SLC33A1: variants seen among roughly 807,000 people sequenced by gnomAD.
The protein encoded by SLC33A1 is solute carrier family 33 member 1.
A neutral mutation model predicts 50.0 loss-of-function variants in SLC33A1; 20 were observed. The observed-to-expected ratio is 0.40, with a 90% CI of 0.28 to 0.58. The LOEUF (loss-of-function observed/expected upper bound fraction) is 0.58. Among genes scored for constraint, SLC33A1 ranks in the 20% least tolerant of loss-of-function variants. The pLI, the probability that SLC33A1 is intolerant of heterozygous loss-of-function variation, is 0.44. For missense variants in SLC33A1, 476 were observed against 657.0 expected, an observed-to-expected ratio of 0.72 and a Z score of 3.01; for synonymous variants, 265 against 251.8, an observed-to-expected ratio of 1.05 and a Z score of -0.50.
chr3:155,850,482 G>A (rs904699397), intron 1 of SLC33A1, among the ~76,000 whole-genome samples: 24 of 136,320 alleles, frequency 1.8e-4, no homozygotes, highest in African/African-American at 9.0e-4. Context: ...TTCTCTTAAT[G>A]TAAGAGTGAT....
rs1234774102 is a variant in SLC33A1, at chr3:155,825,907, A to G, written c.*2303T>C. 6.6e-6 allele frequency: 1 copy of G among 152,222 alleles called. No homozygotes were observed. The highest frequency in any genetic ancestry group is 1.5e-5 in the Non-Finnish European group (1 of 68,046). The allele number at this position is 152,222 out of a possible 1,614,324, so 9.4% of individuals were successfully genotyped here. A position where few individuals can be genotyped will look rare whatever the true frequency, so the allele number is the denominator to read the frequency against. Reference sequence around the variant, plus strand: ...AGATCATTTTTAAATGCCATTAGTGATCAATGTATGCAACACAGTTGCACA... The same window carrying G: ...AGATCATTTTTAAATGCCATTAGTGGTCAATGTATGCAACACAGTTGCACA... On this transcript the variant is annotated 3_prime_UTR_variant, in exon 6 of 6. Transcript: ENST00000643144.
At chr3:155,841,489 A>AT (rs1752935690) in intron 2 of SLC33A1, among the ~76,000 whole-genome samples, 1 of 152,196 alleles carries the variant, frequency 6.6e-6, no homozygotes, top group Non-Finnish European at 1.5e-5. Context: ...TGAAAATCCT[A>AT]TAAGATTGCA....
rs1347407409 is a variant in SLC33A1, at chr3:155,842,652, A to T, written c.776-33T>A. ...TGTTTTAAATCTATAATTAATTTTT[A>T]AAATTACATAATTTCATTGATACTA... On this transcript the variant is annotated intron_variant, in intron 1 of 5. Transcript: ENST00000643144. 4 of 1,099,072 alleles carry T rather than the reference A, an allele frequency of 3.6e-6. No individual in the cohort carries two copies. In the East Asian group the frequency reaches 7.9e-5, roughly 22 times the overall value. The allele number at this position is 1,099,072 out of a possible 1,614,324, so 68.1% of individuals were successfully genotyped here.
At chr3:155,831,380 C>T (rs1043376645) in intron 4 of SLC33A1, among the ~76,000 whole-genome samples, 20 of 135,540 alleles carry the variant, frequency 1.5e-4, no homozygotes, top group Non-Finnish European at 2.3e-4. Context: ...CACTTGAACC[C>T]GGGAGGTGGA....
chr3:155,850,345 C>CT (rs968476724), intron 1 of SLC33A1, among the ~76,000 whole-genome samples: 4 of 152,038 alleles, frequency 2.6e-5, no homozygotes, highest in Admixed American at 2.6e-4. Flanking sequence ...TCATTTTGTC[C>CT]TGAGACTGCT....
At chr3:155,830,738 T>A (rs979217483) in intron 4 of SLC33A1, among the ~76,000 whole-genome samples, 2 of 152,070 alleles carry the variant, frequency 1.3e-5, no homozygotes, top group Non-Finnish European at 2.9e-5. Context: ...ATGTATGCAT[T>A]TATTACATAT....
rs1271907042 is a variant in SLC33A1, at chr3:155,825,921, C to T, written c.*2289G>A. ...TGCCATTAGTGATCAATGTATGCAA[C>T]ACAGTTGCACATAGCTATTAACAAG... On this transcript the variant is annotated 3_prime_UTR_variant, in exon 6 of 6. Coordinates refer to ENST00000643144, the MANE Select transcript of SLC33A1 (RefSeq NM_004733.4). The T allele has an allele frequency of 1.3e-5, 2 of 152,176 alleles. No individual in the cohort carries two copies. The highest frequency in any genetic ancestry group is 4.8e-5 in the African/African-American group (2 of 41,446). 9.4% of individuals were successfully genotyped at this position (152,176 alleles called of 1,614,324 possible).
chr3:155,837,355 C>CAAA (rs370005455), intron 2 of SLC33A1, among the ~76,000 whole-genome samples: 20 of 69,214 alleles, frequency 2.9e-4, no homozygotes, highest in African/African-American at 5.7e-4. Context: ...GACTCCGTCT[C>CAAA]AAAAAAAAAA....
Position 155,826,810 on chromosome 3 carries a change from A to T in SLC33A1, c.*1400T>A, listed in dbSNP as rs1444794429. 1 of 152,190 alleles carries T rather than the reference A, an allele frequency of 6.6e-6. No individual in the cohort carries two copies. Among genetic ancestry groups the T allele is most frequent in the Non-Finnish European group, 1.5e-5 (1 of 68,012 alleles). 9.4% of individuals were successfully genotyped at this position (152,190 alleles called of 1,614,324 possible). A position where few individuals can be genotyped will look rare whatever the true frequency, so the allele number is the denominator to read the frequency against. On this transcript the variant is annotated 3_prime_UTR_variant, in exon 6 of 6. Transcript: ENST00000643144. The stretch of plus-strand genomic sequence containing the variant: ...CCATTACTTATAAAAACCCCACTCT[A>T]AAATTCAACCTATGTTATAAAATTA...
At chr3:155,839,300 CAAAAAAAAAAAAA>C (rs550171374) in intron 2 of SLC33A1, among the ~76,000 whole-genome samples, 8 of 25,736 alleles carry the variant, frequency 3.1e-4, no homozygotes, top group African/African-American at 4.4e-4. Flanking sequence ...AACTCCGCCT[CAAAAAAAAAAAAA>C]AAAAAAAAAA....
chr3:155,850,581 C>T (rs1399452997), intron 1 of SLC33A1, among the ~76,000 whole-genome samples: 2 of 151,686 alleles, frequency 1.3e-5, no homozygotes, highest in African/African-American at 4.8e-5. Flanking sequence ...CCTAATGGAT[C>T]AAAATTATGC....
At chr3:155,851,092 A>G (rs1201778000) in intron 1 of SLC33A1, among the ~76,000 whole-genome samples, 2 of 151,900 alleles carry the variant, frequency 1.3e-5, no homozygotes, top group Non-Finnish European at 2.9e-5. Context: ...AAATACAAAA[A>G]TTAGCTGGGT....
chr3:155,829,795 C>T lies in SLC33A1; in HGVS notation c.1375G>A (p.Gly459Arg). ...MTLLNTVSNL[G>R]GNWPSTVALW... ...GCTACTGTAGAAGGCCAGTTTCCTC[C>T]CAGATTGGACACGGTATTTAAAAGG... The change falls in exon 5 of 6, where the codon GGA becomes AGA. Residue 459 changes from glycine to arginine, a missense_variant. Coordinates refer to ENST00000643144, the MANE Select transcript of SLC33A1 (RefSeq NM_004733.4). 1 of 1,613,888 alleles carries T rather than the reference C, an allele frequency of 6.2e-7. No individual in the cohort carries two copies. The highest frequency in any genetic ancestry group is 8.5e-7 in the Non-Finnish European group (1 of 1,179,830).
chr3:155,844,458 T>TATATATATATATATATA (rs1491426081), intron 1 of SLC33A1, among the ~76,000 whole-genome samples: 3 of 30,636 alleles, frequency 9.8e-5, no homozygotes, highest in African/African-American at 2.9e-4. Flanking sequence ...TATATATATA[T>TATATATATATATATATA]TTTTTTTTTT....
In SLC33A1 at chr3:155,824,527, T is replaced by A. The variant is rs1317256974; in HGVS notation, c.*3683A>T. The stretch of plus-strand genomic sequence containing the variant: ...TTTCTCTTCTACCATTAATGTCTTA[T>A]CTACTCTAATTCCTTCAAAGTTTCA... On this transcript the variant is annotated 3_prime_UTR_variant, in exon 6 of 6. Transcript: ENST00000643144. The A allele has an allele frequency of 1.3e-5, 2 of 152,224 alleles. No individual in the cohort carries two copies. Among genetic ancestry groups the A allele is most frequent in the Non-Finnish European group, 2.9e-5 (2 of 68,032 alleles). 9.4% of individuals were successfully genotyped at this position (152,224 alleles called of 1,614,324 possible).
At chr3:155,830,159 C>T (rs568854101) in intron 4 of SLC33A1, among the ~76,000 whole-genome samples, 2 of 149,930 alleles carry the variant, frequency 1.3e-5, no homozygotes, top group South Asian at 2.1e-4. Flanking sequence ...GTCAGGAGAT[C>T]GAGACCATCC....
chr3:155,840,527 C>CA (rs895065522), intron 2 of SLC33A1, among the ~76,000 whole-genome samples: 2 of 151,714 alleles, frequency 1.3e-5, no homozygotes, highest in Non-Finnish European at 2.9e-5. Flanking sequence ...ATTAAAAGTA[C>CA]AAAAAAATTG....
At chr3:155,839,417 T>C (rs1752839443) in intron 2 of SLC33A1, among the ~76,000 whole-genome samples, 2 of 64,386 alleles carry the variant, frequency 3.1e-5, no homozygotes, top group Admixed American at 1.5e-4. Context: ...GAAGGAAATA[T>C]CCAGAAAATC....
At position 155,829,612 on chromosome 3, in the gene SLC33A1, G is replaced by T. The variant is rs1752329493; in HGVS notation, c.1482+76C>A. 3 of 1,039,248 alleles carry T rather than the reference G, an allele frequency of 2.9e-6. No individual in the cohort carries two copies. In the African/African-American group the frequency reaches 4.8e-5, roughly 17 times the overall value. The allele number at this position is 1,039,248 out of a possible 1,614,324, so 64.4% of individuals were successfully genotyped here. On this transcript the variant is annotated intron_variant, in intron 5 of 5. Transcript: ENST00000643144. The stretch of plus-strand genomic sequence containing the variant: ...AGATATGATTTTTAAAAAAGATATA[G>T]TACTTCTAGAGACAAAACAAAGATA...
Sources: allele counts gnomAD v4.1 joint callset (sites outside exome capture counted in the v4.1 genomes callset), GRCh38; gene constraint gnomAD v4.1.1; transcripts MANE v1.5; gene names NCBI Gene and HGNC (gene_info 2026-07-23, HGNC 2026-07-21).